TNFRSF10B: variants seen among roughly 807,000 people sequenced by gnomAD.
TNFRSF10B encodes TNF receptor superfamily member 10b.
TNFRSF10B carries 35 observed loss-of-function variants against 41.4 expected under a neutral mutation model. That is an observed-to-expected ratio of 0.85 (90% CI 0.65 to 1.12). TNFRSF10B has a LOEUF of 1.12. Among genes scored for constraint, TNFRSF10B ranks in the 50% most tolerant of loss-of-function variants. The probability of loss-of-function intolerance (pLI) is 0.00; values close to 1 mark genes in which losing one functional copy is unlikely to be tolerated. For synonymous variants in TNFRSF10B, 230 were observed against 215.5 expected, an observed-to-expected ratio of 1.07 and a Z score of -0.59; for missense variants, 584 against 552.7, an observed-to-expected ratio of 1.06 and a Z score of -0.57.
intron 2 of TNFRSF10B, 41 bp downstream of exon 2, chr8:23,043,097 G>A (rs1242692624): frequency 3.8e-6 from 6 of 1,567,024 alleles, no homozygotes; most frequent in Admixed American, 1.7e-5. Flanking sequence ...ATGGAGACAA[G>A]GGGAGGAGGG....
chr8:23,046,615 T>TAAAAAAAAAAAAAAA, intron 1 of TNFRSF10B, among the ~76,000 whole-genome samples: 2 of 129,844 alleles, frequency 1.5e-5, no homozygotes, highest in Non-Finnish European at 3.4e-5. Context: ...TATGCAACCA[T>TAAAAAAAAAAAAAAA]AAAAAAAAAA....
intron 1 of TNFRSF10B, among the ~76,000 whole-genome samples, chr8:23,051,710 A>AT (rs922991523): frequency 2.0e-5 from 3 of 151,886 alleles, no homozygotes; most frequent in Non-Finnish European, 2.9e-5. Flanking sequence ...GCGCCTGGTT[A>AT]TTTTTTGTAT....
chr8:23,063,807 C>G (rs1359178325), intron 1 of TNFRSF10B, among the ~76,000 whole-genome samples: 2 of 152,172 alleles, frequency 1.3e-5, no homozygotes, highest in Non-Finnish European at 2.9e-5. Context: ...TGAGGGATGT[C>G]CCCGGGGAAA....
Position 23,032,921 on chromosome 8 carries a change from C to T in TNFRSF10B, c.251-2049G>A, listed in dbSNP as rs538242442. ...GAACTACACTGAGACACATTATAGTCAAATGGACAAAAGCCCAACACCAAC... is the reference window on the plus strand; with the variant it reads ...GAACTACACTGAGACACATTATAGTTAAATGGACAAAAGCCCAACACCAAC... On this transcript the variant is annotated intron_variant, in intron 2 of 8. Transcript: ENST00000276431. Among the ~76,000 whole-genome samples the T allele has an allele frequency of 3.3e-5, 5 of 152,288 alleles. No homozygotes were observed. In the South Asian group the frequency reaches 1.0e-3, roughly 32 times the overall value.
At chr8:23,052,043 T>C (rs1176446189) in intron 1 of TNFRSF10B, among the ~76,000 whole-genome samples, 2 of 152,168 alleles carry the variant, frequency 1.3e-5, no homozygotes, top group African/African-American at 4.8e-5. Flanking sequence ...GGTCATAATT[T>C]TGCAATGGTG....
chr8:23,024,524 AT>A (rs112844191), intron 7 of TNFRSF10B, among the ~76,000 whole-genome samples: 25,750 of 145,682 alleles, frequency 0.18, 2,422 homozygotes, highest in Middle Eastern at 0.21. Flanking sequence ...TGTCTTGATG[AT>A]TTTTTTTTTT....
intron 1 of TNFRSF10B, among the ~76,000 whole-genome samples, chr8:23,053,569 A>C (rs1420954498): frequency 6.6e-6 from 1 of 152,204 alleles, no homozygotes; most frequent in Admixed American, 6.5e-5. Context: ...AATTAAAGGG[A>C]TATCATCCAG....
At chr8:23,056,942 G>T (rs1049240677) in intron 1 of TNFRSF10B, among the ~76,000 whole-genome samples, 2 of 151,824 alleles carry the variant, frequency 1.3e-5, no homozygotes, top group African/African-American at 4.8e-5. Context: ...ATGAGTGAGG[G>T]TACCATCTTC....
In TNFRSF10B at chr8:23,021,386, C is replaced by T. The variant is rs559571705; in HGVS notation, c.*1285G>A. The T allele has an allele frequency of 2.4e-5, 11 of 454,076 alleles. No homozygotes were observed. Among genetic ancestry groups the T allele is most frequent in the African/African-American group, 1.0e-4 (5 of 50,096 alleles). 28.1% of individuals were successfully genotyped at this position (454,076 alleles called of 1,614,324 possible). On this transcript the variant is annotated 3_prime_UTR_variant, in exon 9 of 9. Transcript: ENST00000276431. ...GGGTGACAGATAACCAGAAGTGAGC[C>T]GGGCCATCTACTCCTGAGATGGCAA...
At chr8:23,032,221 A>G (rs549044940) in intron 2 of TNFRSF10B, among the ~76,000 whole-genome samples, 32 of 152,314 alleles carry the variant, frequency 2.1e-4, no homozygotes, top group Non-Finnish European at 3.1e-4. Flanking sequence ...GTGCCATCTT[A>G]GACCTTTAAA....
intron 1 of TNFRSF10B, among the ~76,000 whole-genome samples, chr8:23,051,943 G>A (rs1435871114): frequency 6.6e-6 from 1 of 152,116 alleles, no homozygotes; most frequent in African/African-American, 2.4e-5. Context: ...TTGTTTCAAA[G>A]CTAAATTATA....
chr8:23,064,235 G>A (rs541889512), intron 1 of TNFRSF10B, among the ~76,000 whole-genome samples: 1 of 152,364 alleles, frequency 6.6e-6, no homozygotes, highest in Non-Finnish European at 1.5e-5. Context: ...AGAGGAAAGA[G>A]TGCACACAGA....
rs1018250898 is a variant in TNFRSF10B, at chr8:23,068,741, G to C, written c.144+10C>G. 2.5e-5 allele frequency: 40 copies of C among 1,570,106 alleles called. No homozygotes were observed. Among genetic ancestry groups the C allele is most frequent in the Non-Finnish European group, 2.9e-5 (34 of 1,158,272 alleles). On this transcript the variant is annotated intron_variant, in intron 1 of 8. Coordinates refer to ENST00000276431, the MANE Select transcript of TNFRSF10B (RefSeq NM_003842.5). ...CTCTTCCCCAGCCAGGGACCGCGGCGGGGACTCACCAACAGCAGGACCGCG... is the reference window on the plus strand; with the variant it reads ...CTCTTCCCCAGCCAGGGACCGCGGCCGGGACTCACCAACAGCAGGACCGCG...
At position 23,028,450 on chromosome 8, in the gene TNFRSF10B, G is replaced by T; in HGVS notation, c.629C>A (p.Ser210Tyr). ...GACTCCTATGATGATGCCTGAGAGA[G>T]AACAGGGAGAGGCAGGAGTCCCTGG... Reference protein sequence around the residue: ...SSPGTPASPCSLSGIIIGVTV... With the variant: ...SSPGTPASPCYLSGIIIGVTV... The change falls in exon 5 of 9, where the codon TCT (serine) becomes TAT (tyrosine). Residue 210 changes from serine to tyrosine, a missense_variant. Coordinates refer to ENST00000276431, the MANE Select transcript of TNFRSF10B (RefSeq NM_003842.5). 2.5e-6 allele frequency: 4 copies of T among 1,614,182 alleles called. No individual in the cohort carries two copies. Among genetic ancestry groups the T allele is most frequent in the Non-Finnish European group, 3.4e-6 (4 of 1,180,022 alleles).
chr8:23,042,303 G>A (rs1585216592), intron 2 of TNFRSF10B, among the ~76,000 whole-genome samples: 1 of 152,228 alleles, frequency 6.6e-6, no homozygotes, highest in South Asian at 2.1e-4. Flanking sequence ...CCTTAGTCAT[G>A]GAAAAGAAAT....
chr8:23,062,267 C>A (rs1273998916), intron 1 of TNFRSF10B, among the ~76,000 whole-genome samples: 6 of 152,134 alleles, frequency 3.9e-5, no homozygotes, highest in Non-Finnish European at 8.8e-5. Flanking sequence ...GTTGCCCAGG[C>A]TGGAGTGCAG....
intron 2 of TNFRSF10B, among the ~76,000 whole-genome samples, chr8:23,036,850 AAG>A (rs1403604947): frequency 6.8e-4 from 104 of 152,312 alleles, no homozygotes; most frequent in African/African-American, 2.3e-3. Context: ...TCTCAAAAAA[AAG>A]AGATCCTGCC....
intron 1 of TNFRSF10B, among the ~76,000 whole-genome samples, 163 bp from the exon 2 acceptor site, chr8:23,043,406 A>G (rs897221888): frequency 6.6e-6 from 1 of 152,136 alleles, no homozygotes; most frequent in Non-Finnish European, 1.5e-5. Context: ...TTGTCCCTTC[A>G]TATTTCAGGG....
rs1282621629 is a variant in TNFRSF10B, at chr8:23,022,960, A to C, written c.1034T>G (p.Phe345Cys). ...TETLRQCFDDFADLVPFDSWE... is the reference protein window; with the variant it reads ...TETLRQCFDDCADLVPFDSWE... ...GGAGTCAAAGGGCACCAAGTCTGCA[A>C]AGTCATCGAAGCACTGTCTCAGAGC... Residue 345 changes from phenylalanine to cysteine, a missense_variant, in exon 9 of 9, where the codon TTT becomes TGT. Phe to Cys is a radical substitution (Grantham distance 205). Coordinates refer to ENST00000276431, the MANE Select transcript of TNFRSF10B (RefSeq NM_003842.5). 6.2e-7 allele frequency: 1 copy of C among 1,612,990 alleles called. No individual in the cohort carries two copies. The highest frequency in any genetic ancestry group is 8.5e-7 in the Non-Finnish European group (1 of 1,179,986).
Sources: gnomAD v4.1 joint callset for allele counts (sites outside exome capture counted in the v4.1 genomes callset) on GRCh38, gnomAD v4.1.1 for gene constraint, MANE v1.5 for transcripts, NCBI Gene and HGNC (gene_info 2026-07-23, HGNC 2026-07-21) for gene names.